Variants in PRKD1 observed in about 807,000 individuals in gnomAD.
PRKD1 encodes the protein serine/threonine-protein kinase D1.
PRKD1 carries 63 observed loss-of-function variants against 95.9 expected under a neutral mutation model. That is an observed-to-expected ratio of 0.66 (90% CI 0.54 to 0.81). The LOEUF is 0.81. PRKD1 is among the 30% of genes least tolerant of loss of function. PRKD1 has a pLI of 0.00. For synonymous variants in PRKD1, 425 were observed against 423.1 expected (o/e 1.00, Z -0.05); for missense variants, 1,048 against 1,165.3 (o/e 0.90, Z 1.47).
At chr14:29,679,302 T>C (rs1361262992) in intron 2 of PRKD1, among the ~76,000 whole-genome samples, 1 of 152,174 alleles carries the variant, frequency 6.6e-6, no homozygotes, top group Admixed American at 6.5e-5. Flanking sequence ...AAGGTGATTT[T>C]GCCTGTGGGT....
chr14:29,657,174 T>C lies in PRKD1; in HGVS notation c.696+6525A>G, dbSNP rs189512326. Among the ~76,000 whole-genome samples, 361 of 145,836 alleles carry C rather than the reference T, an allele frequency of 2.5e-3. 4 individuals are homozygous for C. Among genetic ancestry groups the C allele is most frequent in the East Asian group, 2.4e-3 (12 of 5,016 alleles). Reference sequence around the variant, plus strand: ...AATTCAAAAGCAGTAAGGTTACTCTTAATGATTTTTTAAAAGACAAGAGGT... The same window carrying C: ...AATTCAAAAGCAGTAAGGTTACTCTCAATGATTTTTTAAAAGACAAGAGGT... On this transcript the variant is annotated intron_variant, in intron 4 of 17. Coordinates refer to ENST00000331968, the MANE Select transcript of PRKD1 (RefSeq NM_002742.3).
At chr14:29,659,324 T>C (rs542867782) in intron 4 of PRKD1, among the ~76,000 whole-genome samples, 3 of 152,202 alleles carry the variant, frequency 2.0e-5, no homozygotes. Context: ...AGTGAATCAA[T>C]AGTTAATTAA....
At chr14:29,870,664 CAT>C (rs772180868) in intron 1 of PRKD1, among the ~76,000 whole-genome samples, 35 of 152,164 alleles carry the variant, frequency 2.3e-4, no homozygotes, top group Non-Finnish European at 2.4e-4. Flanking sequence ...TTTGAAATCA[CAT>C]ATGTTTGTAA....
intron 1 of PRKD1, among the ~76,000 whole-genome samples, chr14:29,840,695 A>G (rs905974808): frequency 7.9e-5 from 12 of 152,334 alleles, no homozygotes; most frequent in African/African-American, 2.9e-4. Context: ...GAAGGCAAGG[A>G]GGAGCAAGTC....
chr14:29,828,638 A>G (rs540900827), intron 1 of PRKD1, among the ~76,000 whole-genome samples: 34 of 152,186 alleles, frequency 2.2e-4, no homozygotes, highest in Non-Finnish European at 4.3e-4. Context: ...TTCAACAGAT[A>G]AAAGAATAAT....
At chr14:29,833,929 T>C (rs1008194499) in intron 1 of PRKD1, among the ~76,000 whole-genome samples, 7 of 149,272 alleles carry the variant, frequency 4.7e-5, no homozygotes, top group Admixed American at 1.3e-4. Flanking sequence ...CTCAAGAGAG[T>C]AGCTATTCAA....
In PRKD1 at chr14:29,597,704, T is replaced by C. The variant is rs1047527023; in HGVS notation, c.2221A>G (p.Arg741Gly). Residue 741 changes from arginine (R) to glycine (G), a missense_variant, in exon 16 of 18, where the codon AGG becomes GGG. Transcript: ENST00000331968. ...ARIIGEKSFR[R>G]SVVGTPAYLA... ...TAAGCGGGGGTACCCACCACTGACC[T>C]CCGGAAAGACTTCTCTCCAATGATC... 6.2e-7 allele frequency: 1 copy of C among 1,613,744 alleles called. No homozygotes were observed.
chr14:29,825,998 A>G (rs1352600260), intron 1 of PRKD1, among the ~76,000 whole-genome samples: 2 of 151,774 alleles, frequency 1.3e-5, no homozygotes, highest in Admixed American at 1.3e-4. Flanking sequence ...AAGTTATGCA[A>G]AAAAGATACT....
At chr14:29,912,061 C>T (rs148604070) in intron 1 of PRKD1, among the ~76,000 whole-genome samples, 2 of 152,282 alleles carry the variant, frequency 1.3e-5, no homozygotes, top group East Asian at 3.9e-4. Flanking sequence ...TTCTTTGAAT[C>T]GCTCCTGCTC....
intron 4 of PRKD1, among the ~76,000 whole-genome samples, chr14:29,644,494 A>G (rs2139155656): frequency 6.6e-6 from 1 of 152,272 alleles, no homozygotes; most frequent in South Asian, 2.1e-4. Context: ...CCATGTGAAC[A>G]TGTGAACCCA....
At chr14:29,857,590 G>T (rs1390491380) in intron 1 of PRKD1, among the ~76,000 whole-genome samples, 1 of 152,142 alleles carries the variant, frequency 6.6e-6, no homozygotes, top group Non-Finnish European at 1.5e-5. Flanking sequence ...TTCAGAAAAT[G>T]CAAATACCTT....
intron 1 of PRKD1, among the ~76,000 whole-genome samples, chr14:29,746,913 T>C (rs1049231304): frequency 1.3e-5 from 2 of 152,214 alleles, no homozygotes; most frequent in African/African-American, 2.4e-5. Context: ...ATTTTATTAA[T>C]TTGTAAATTG....
chr14:29,771,731 A>G (rs1888517370), intron 1 of PRKD1, among the ~76,000 whole-genome samples: 1 of 152,192 alleles, frequency 6.6e-6, no homozygotes, highest in Admixed American at 6.5e-5. Context: ...TCCAACCCAT[A>G]AGGGCTGTGC....
chr14:29,910,420 G>C (rs914130866), intron 1 of PRKD1, among the ~76,000 whole-genome samples: 2 of 152,110 alleles, frequency 1.3e-5, no homozygotes, highest in African/African-American at 4.8e-5. Context: ...AACACTCAAC[G>C]CGAGGGTCCG....
intron 13 of PRKD1, among the ~76,000 whole-genome samples, chr14:29,609,389 T>C (rs1878258887): frequency 1.3e-5 from 2 of 152,048 alleles, no homozygotes; most frequent in South Asian, 4.1e-4. Flanking sequence ...AGTTGTAGTC[T>C]TGTGCATTCT....
intron 1 of PRKD1, among the ~76,000 whole-genome samples, chr14:29,921,739 A>G (rs1429025608): frequency 6.6e-6 from 1 of 152,162 alleles, no homozygotes; most frequent in Non-Finnish European, 1.5e-5. Flanking sequence ...AATAAACAGC[A>G]CAGTCATGAA....
intron 1 of PRKD1, among the ~76,000 whole-genome samples, chr14:29,771,949 G>A (rs1367012910): frequency 5.9e-5 from 9 of 152,256 alleles, no homozygotes; most frequent in South Asian, 2.1e-4. Flanking sequence ...TATCTACCCC[G>A]TGTCTGTTCC....
intron 1 of PRKD1, among the ~76,000 whole-genome samples, chr14:29,833,487 C>T (rs1233854997): frequency 6.6e-6 from 1 of 151,990 alleles, no homozygotes; most frequent in Non-Finnish European, 1.5e-5. Flanking sequence ...ATGGGATGGG[C>T]AACTTCCCTC....
intron 1 of PRKD1, among the ~76,000 whole-genome samples, chr14:29,920,186 T>C (rs1895052714): frequency 6.6e-6 from 1 of 152,096 alleles, no homozygotes; most frequent in Non-Finnish European, 1.5e-5. Context: ...GCACTTGTCT[T>C]GTTTTGTTCC....
Sources: gnomAD v4.1 joint callset for allele counts (sites outside exome capture counted in the v4.1 genomes callset) on GRCh38, gnomAD v4.1.1 for gene constraint, MANE v1.5 for transcripts, NCBI Gene and HGNC (gene_info 2026-07-23, HGNC 2026-07-21) for gene names.